The following SLC41A3 variants were observed in gnomAD, a reference collection of about 807,000 sequenced individuals.
The protein encoded by SLC41A3 is SLC41A1-like 2.
In SLC41A3, 44 loss-of-function variants were observed where a neutral mutation model predicts 45.4. The ratio of observed to expected loss-of-function variants is 0.97; its 90% CI spans 0.76 to 1.25. The LOEUF (loss-of-function observed/expected upper bound fraction) is 1.25. SLC41A3 is among the 50% of genes most tolerant of loss of function. SLC41A3 has a pLI of 0.00. For synonymous variants in SLC41A3, 256 were observed against 252.4 expected (o/e 1.01, Z -0.13); for missense variants, 550 against 600.6 (o/e 0.92, Z 0.88).
upstream of SLC41A3, chr3:126,084,335 G>C (rs1420119260): frequency 2.0e-5 from 3 of 152,162 alleles, no homozygotes; most frequent in Non-Finnish European, 4.4e-5. Flanking sequence ...GGGGGACCGA[G>C]TCTCGCGAGC....
intron 1 of SLC41A3, among the ~76,000 whole-genome samples, chr3:126,083,531 G>A (rs1945272468): frequency 6.6e-6 from 1 of 152,302 alleles, no homozygotes; most frequent in East Asian, 1.9e-4. Flanking sequence ...CTTCACCAGA[G>A]GTTTGCACCG....
rs1356772652 is a variant in SLC41A3 at position 126,006,804 on chromosome 3, C to G, written c.*212G>C. On this transcript the variant is annotated 3_prime_UTR_variant, in exon 11 of 11. Transcript: ENST00000360370. ...TGTGCACACATCATATTCACACACT[C>G]AAGCCATGCTCTTGATTTCAGGGCT... 6.9e-7 allele frequency: 1 copy of G among 1,444,294 alleles called. No individual in the cohort carries two copies. The highest frequency in any genetic ancestry group is 9.0e-7 in the Non-Finnish European group (1 of 1,105,176). 89.5% of individuals were successfully genotyped at this position (1,444,294 alleles called of 1,614,324 possible). A position where few individuals can be genotyped will look rare whatever the true frequency, so the allele number is the denominator to read the frequency against.
chr3:126,063,955 C>CCG (rs199712238), intron 2 of SLC41A3, among the ~76,000 whole-genome samples: 1 of 141,318 alleles, frequency 7.1e-6, no homozygotes, highest in Non-Finnish European at 1.6e-5. Flanking sequence ...TCCAACCCCC[C>CCG]CCCGGGGACA....
In SLC41A3 at chr3:126,041,379, C is replaced by T. The variant is rs541072000; in HGVS notation, c.382-7701G>A. 2.7e-3 allele frequency among the ~76,000 whole-genome samples: 417 copies of T among 152,086 alleles called. 2 individuals are homozygous for T. The highest frequency in any genetic ancestry group is 9.4e-3 in the African/African-American group (391 of 41,490). ...ACTCCAAGATACATGCAAGATAATGCGAAAAACTCTATGCCAGAGACATCA... is the reference window on the plus strand; with the variant it reads ...ACTCCAAGATACATGCAAGATAATGTGAAAAACTCTATGCCAGAGACATCA... On this transcript the variant is annotated intron_variant, in intron 3 of 10. Coordinates refer to ENST00000360370, the MANE Select transcript of SLC41A3 (RefSeq NM_017836.4).
At chr3:126,083,611 G>A (rs1382260632) in intron 1 of SLC41A3, among the ~76,000 whole-genome samples, 1 of 152,030 alleles carries the variant, frequency 6.6e-6, no homozygotes, top group Non-Finnish European at 1.5e-5. Context: ...GCAGCGAGGG[G>A]TCCCTGCGCG....
At chr3:126,089,282 C>G (rs960610204), upstream of SLC41A3, among the ~76,000 whole-genome samples, 2 of 152,116 alleles carry the variant, frequency 1.3e-5, no homozygotes, top group South Asian at 2.1e-4. Context: ...GCTAGGAACC[C>G]AAACCTTTTT....
intron 1 of SLC41A3, among the ~76,000 whole-genome samples, chr3:126,099,876 C>G (rs1178603190): frequency 6.6e-6 from 1 of 152,198 alleles, no homozygotes; most frequent in Admixed American, 6.5e-5. Context: ...TAGCTTATGA[C>G]AGCAAGGATT....
At chr3:126,092,502 G>A (rs951180128) in intron 1 of SLC41A3, 1 of 152,230 alleles carries the variant, frequency 6.6e-6, no homozygotes, top group African/African-American at 2.4e-5. Flanking sequence ...AAGGCTGTGA[G>A]ACCCCTGATT....
intron 1 of SLC41A3, chr3:126,095,122 A>G (rs1945569172): frequency 1.7e-6 from 1 of 605,668 alleles, no homozygotes; most frequent in Middle Eastern, 4.2e-4. Flanking sequence ...GTGAGATCCA[A>G]TAACAAAAAA....
intron 6 of SLC41A3, among the ~76,000 whole-genome samples, chr3:126,020,216 A>G (rs1266331150): frequency 6.6e-6 from 1 of 152,096 alleles, no homozygotes; most frequent in Non-Finnish European, 1.5e-5. Context: ...CAGGGAACAG[A>G]GTCCCTAGGT....
intron 8 of SLC41A3, 47 bp from the exon 9 acceptor site, chr3:126,012,796 C>G (rs747539342): frequency 6.2e-7 from 1 of 1,609,484 alleles, no homozygotes; most frequent in Non-Finnish European, 8.5e-7. Flanking sequence ...ACGCCAGTCT[C>G]TAAGTTGTAT....
chr3:126,072,233 C>G (rs888983696), intron 1 of SLC41A3, among the ~76,000 whole-genome samples: 3 of 151,936 alleles, frequency 2.0e-5, no homozygotes, highest in Admixed American at 6.6e-5. Flanking sequence ...CTATCAATTT[C>G]TTTAAAAAGA....
At chr3:126,068,293 T>C (rs1364506353) in intron 1 of SLC41A3, 47 bp from the exon 2 acceptor site, 3 of 1,454,270 alleles carry the variant, frequency 2.1e-6, no homozygotes, top group Non-Finnish European at 1.8e-6. Context: ...CTGATTCCCA[T>C]GGCGCTAACA....
upstream of SLC41A3, among the ~76,000 whole-genome samples, chr3:126,086,213 A>C (rs1182821224): frequency 1.3e-5 from 2 of 152,196 alleles, no homozygotes; most frequent in Non-Finnish European, 2.9e-5. Flanking sequence ...GAGCTTATGT[A>C]AAATGGAAAT....
chr3:126,046,674 ATAC>A (rs773332463), intron 3 of SLC41A3, among the ~76,000 whole-genome samples: 8 of 152,208 alleles, frequency 5.3e-5, no homozygotes, highest in Non-Finnish European at 1.2e-4. Context: ...TAAGATATCA[ATAC>A]TAGGCTGGGC....
At chr3:126,085,719 T>A (rs1389538883), upstream of SLC41A3, among the ~76,000 whole-genome samples, 1 of 152,042 alleles carries the variant, frequency 6.6e-6, no homozygotes, top group Non-Finnish European at 1.5e-5. Context: ...GTTGTTTTCA[T>A]AGGTAAATGA....
chr3:126,022,680 A>G (rs1243845312), intron 6 of SLC41A3, 106 bp downstream of exon 6: 15 of 1,393,882 alleles, frequency 1.1e-5, no homozygotes, highest in South Asian at 1.3e-5. Context: ...TTCAAACAAC[A>G]GCACATGGGC....
intron 2 of SLC41A3, among the ~76,000 whole-genome samples, chr3:126,066,568 T>C (rs1349824607): frequency 6.6e-6 from 1 of 152,224 alleles, no homozygotes; most frequent in Non-Finnish European, 1.5e-5. Flanking sequence ...TTGATGAGTG[T>C]TGGGAACAAG....
chr3:126,030,137 AAT>A (rs1941687257), intron 4 of SLC41A3, among the ~76,000 whole-genome samples: 1 of 133,090 alleles, frequency 7.5e-6, no homozygotes, highest in African/African-American at 2.6e-5. Context: ...TAATATGTAT[AAT>A]ATATATTATA....
Sources: gnomAD v4.1 joint callset for allele counts (sites outside exome capture counted in the v4.1 genomes callset) on GRCh38, gnomAD v4.1.1 for gene constraint, MANE v1.5 for transcripts, NCBI Gene and HGNC (gene_info 2026-07-23, HGNC 2026-07-21) for gene names.